The following ADAMTS19 variants were observed in gnomAD, a reference collection of about 807,000 sequenced individuals.
ADAMTS19 encodes the protein A disintegrin and metalloproteinase with thrombospondin motifs 19.
Under a neutral mutation model 153.3 loss-of-function variants are expected in ADAMTS19, and 93 were observed. The ratio of observed to expected loss-of-function variants is 0.61; its 90% CI spans 0.51 to 0.72. ADAMTS19 has a LOEUF of 0.72. ADAMTS19 is among the 30% of genes least tolerant of loss of function. The pLI, the probability that ADAMTS19 is intolerant of heterozygous loss-of-function variation, is 0.00. For missense variants in ADAMTS19, 1,482 were observed against 1,552.1 expected, an observed-to-expected ratio of 0.95 and a Z score of 0.76; for synonymous variants, 600 against 556.6, an observed-to-expected ratio of 1.08 and a Z score of -1.10.
chr5:129,680,554 C>T (rs753158916), intron 17 of ADAMTS19, among the ~76,000 whole-genome samples: 5 of 151,900 alleles, frequency 3.3e-5, no homozygotes, highest in African/African-American at 9.7e-5. Context: ...GTCAGGAGTT[C>T]GAGACCAGCC....
intron 18 of ADAMTS19, among the ~76,000 whole-genome samples, chr5:129,693,836 A>T (rs17163061): frequency 0.044 from 6,736 of 152,226 alleles, 455 homozygotes; most frequent in African/African-American, 0.15. Context: ...AAAAGATGGT[A>T]AGAGTCCCAT....
chr5:129,544,907 A>G (rs1375693360), intron 6 of ADAMTS19, among the ~76,000 whole-genome samples: 1 of 152,186 alleles, frequency 6.6e-6, no homozygotes. Context: ...GGTATTCATT[A>G]CCATGAATCT....
At chr5:129,700,387 G>A (rs1453732459) in intron 19 of ADAMTS19, among the ~76,000 whole-genome samples, 1 of 152,116 alleles carries the variant, frequency 6.6e-6, no homozygotes, top group Non-Finnish European at 1.5e-5. Flanking sequence ...AGCATGTGTA[G>A]CTCCATGTGG....
chr5:129,657,383 C>A lies in ADAMTS19; in HGVS notation c.2305-1234C>A, dbSNP rs547263111. 2.0e-4 allele frequency among the ~76,000 whole-genome samples: 30 copies of A among 152,210 alleles called. No individual in the cohort carries two copies. The South Asian group carries it at 6.0e-3, about 31-fold the overall frequency. ...AAATTTCCTCTAAAATAATTGGAACCTATTATAAATGGATGTATCATCAGT... is the reference window on the plus strand; with the variant it reads ...AAATTTCCTCTAAAATAATTGGAACATATTATAAATGGATGTATCATCAGT... On this transcript the variant is annotated intron_variant, in intron 14 of 22. Transcript: ENST00000274487.
At chr5:129,499,384 G>A (rs1751028199) in intron 2 of ADAMTS19, among the ~76,000 whole-genome samples, 1 of 152,030 alleles carries the variant, frequency 6.6e-6, no homozygotes, top group Non-Finnish European at 1.5e-5. Flanking sequence ...CACTTGACCA[G>A]TCTTCACCAC....
At chr5:129,465,552 T>G (rs1749827676) in intron 2 of ADAMTS19, among the ~76,000 whole-genome samples, 2 of 152,164 alleles carry the variant, frequency 1.3e-5, no homozygotes, top group Non-Finnish European at 2.9e-5. Flanking sequence ...TTTTGTAAAT[T>G]CAATTATTTT....
intron 6 of ADAMTS19, 31 bp from the exon 7 acceptor site, chr5:129,551,833 C>G: frequency 7.0e-7 from 1 of 1,427,642 alleles, no homozygotes; most frequent in Non-Finnish European, 9.6e-7. Context: ...AATAATTTAT[C>G]TTTATTTCAG....
At chr5:129,720,717 T>G (rs1010607558) in intron 21 of ADAMTS19, among the ~76,000 whole-genome samples, 1 of 151,954 alleles carries the variant, frequency 6.6e-6, no homozygotes, top group Non-Finnish European at 1.5e-5. Flanking sequence ...GAGTCAGAGG[T>G]CAATGGAAAG....
In ADAMTS19 at chr5:129,654,445, CA is replaced by C. The variant is rs559639236; in HGVS notation, c.2304+23del. 0.07 allele frequency: 72,620 copies of C among 1,033,186 alleles called. 796 individuals are homozygous for C. Among genetic ancestry groups the C allele is most frequent in the Non-Finnish European group, 0.076 (57,962 of 758,294 alleles). 64.0% of individuals were successfully genotyped at this position (1,033,186 alleles called of 1,614,324 possible). A position where few individuals can be genotyped will look rare whatever the true frequency, so the allele number is the denominator to read the frequency against. On this transcript the variant is annotated intron_variant, in intron 14 of 22. Coordinates refer to ENST00000274487, the MANE Select transcript of ADAMTS19 (RefSeq NM_133638.6). Reference sequence around the variant, plus strand: ...ATGGCAGGTGCCAGGTAAGACATTCCAAAAAAAAAAAGAATTTATATGTTGA... The same window carrying C: ...ATGGCAGGTGCCAGGTAAGACATTCCAAAAAAAAAAGAATTTATATGTTGA...
chr5:129,722,908 G>A (rs963807216), intron 21 of ADAMTS19, among the ~76,000 whole-genome samples: 2 of 152,174 alleles, frequency 1.3e-5, no homozygotes, highest in Non-Finnish European at 2.9e-5. Flanking sequence ...ACTATTCATA[G>A]TTCATTTCAT....
At chr5:129,559,060 C>A (rs937257498) in intron 7 of ADAMTS19, among the ~76,000 whole-genome samples, 6 of 151,846 alleles carry the variant, frequency 4.0e-5, no homozygotes, top group African/African-American at 1.2e-4. Flanking sequence ...GGAGAGGATA[C>A]CATATTTCAT....
intron 15 of ADAMTS19, among the ~76,000 whole-genome samples, chr5:129,662,944 G>T (rs1205417473): frequency 7.0e-6 from 1 of 143,646 alleles, no homozygotes; most frequent in African/African-American, 2.7e-5. Flanking sequence ...ACCCAGGCTG[G>T]AGTACAGTGG....
intron 7 of ADAMTS19, among the ~76,000 whole-genome samples, chr5:129,557,296 A>T (rs551135134): frequency 6.6e-6 from 1 of 152,252 alleles, no homozygotes; most frequent in East Asian, 1.9e-4. Context: ...AATTGAATCA[A>T]TTCTTTAAAA....
At chr5:129,704,511 G>T in intron 21 of ADAMTS19, 120 bp downstream of exon 21, 1 of 1,143,570 alleles carries the variant, frequency 8.7e-7, no homozygotes, top group Non-Finnish European at 1.2e-6. Context: ...AACATCATGG[G>T]ATATGGGGCA....
intron 7 of ADAMTS19, among the ~76,000 whole-genome samples, chr5:129,588,000 C>G (rs1209527202): frequency 6.6e-6 from 1 of 152,018 alleles, no homozygotes; most frequent in East Asian, 1.9e-4. Flanking sequence ...TTTTTTGTTT[C>G]TATAGTTCAC....
chr5:129,486,906 A>C (rs1750614567), intron 2 of ADAMTS19, among the ~76,000 whole-genome samples: 1 of 152,224 alleles, frequency 6.6e-6, no homozygotes, highest in Non-Finnish European at 1.5e-5. Context: ...CAAGTTTAGC[A>C]AGGTCACAGG....
At chr5:129,621,160 C>T (rs893407791) in intron 9 of ADAMTS19, among the ~76,000 whole-genome samples, 1 of 152,140 alleles carries the variant, frequency 6.6e-6, no homozygotes, top group Non-Finnish European at 1.5e-5. Flanking sequence ...TACATCTACA[C>T]TTCTAATGTT....
chr5:129,702,929 CAAAAA>C (rs376208133), intron 20 of ADAMTS19, among the ~76,000 whole-genome samples: 2 of 44,326 alleles, frequency 4.5e-5, no homozygotes, highest in East Asian at 6.9e-4. Context: ...TTTGACTTGC[CAAAAA>C]AAAAAAAATA....
intron 7 of ADAMTS19, among the ~76,000 whole-genome samples, chr5:129,585,701 T>C (rs1372527671): frequency 1.3e-5 from 2 of 152,210 alleles, no homozygotes. Flanking sequence ...TTTTTGTATA[T>C]AGGAAAACAT....
Sources: allele counts gnomAD v4.1 joint callset (sites outside exome capture counted in the v4.1 genomes callset), GRCh38; gene constraint gnomAD v4.1.1; transcripts MANE v1.5; gene names NCBI Gene and HGNC (gene_info 2026-07-23, HGNC 2026-07-21).